The following MCMDC2 variants were observed in gnomAD, a reference collection of about 807,000 sequenced individuals.
MCMDC2 encodes the protein minichromosome maintenance domain containing 2, also known as minichromosome maintenance domain-containing protein 2.
A neutral mutation model predicts 75.8 loss-of-function variants in MCMDC2; 54 were observed. The observed-to-expected ratio is 0.71, with a 90% CI of 0.57 to 0.89. MCMDC2 has a LOEUF of 0.89. MCMDC2 is among the 40% of genes least tolerant of loss of function. The pLI, the probability that MCMDC2 is intolerant of heterozygous loss-of-function variation, is 0.00. For missense variants in MCMDC2, 656 were observed against 780.4 expected, an observed-to-expected ratio of 0.84 and a Z score of 1.90; for synonymous variants, 249 against 274.6, an observed-to-expected ratio of 0.91 and a Z score of 0.92.
chr8:66,922,980 T>A (rs3779995), downstream of MCMDC2, among the ~76,000 whole-genome samples: 19,470 of 152,220 alleles, frequency 0.13, 2,359 homozygotes, highest in African/African-American at 0.31. Flanking sequence ...GTACCTAGTA[T>A]TTCCACAAAT....
intron 5 of MCMDC2, 64 bp downstream of exon 5, chr8:66,877,608 TA>T: frequency 1.6e-6 from 2 of 1,226,984 alleles, no homozygotes. Context: ...CTCACACCTG[TA>T]ATCCCTGCAC....
intron 12 of MCMDC2, among the ~76,000 whole-genome samples, chr8:66,898,620 G>A (rs1176528063): frequency 1.0e-4 from 13 of 130,382 alleles, no homozygotes; most frequent in South Asian, 2.4e-4. Context: ...GCAAAACTCC[G>A]TCTCAAAAAA....
At chr8:66,883,252 A>G (rs1811678336) in intron 8 of MCMDC2, among the ~76,000 whole-genome samples, 1 of 152,218 alleles carries the variant, frequency 6.6e-6, no homozygotes, top group African/African-American at 2.4e-5. Flanking sequence ...CAACATTCAA[A>G]TATTTCCCAT....
At chr8:66,890,207 AG>A (rs1180866861) in intron 9 of MCMDC2, among the ~76,000 whole-genome samples, 2 of 152,116 alleles carry the variant, frequency 1.3e-5, no homozygotes, top group Non-Finnish European at 1.5e-5. Context: ...CTGGGGTTAC[AG>A]GCATGTAATT....
At position 66,918,899 on chromosome 8, in the gene MCMDC2, T is replaced by G. The variant is rs974992831; in HGVS notation, c.1880-104T>G. 7 of 1,059,198 alleles carry G rather than the reference T, an allele frequency of 6.6e-6. No individual in the cohort carries two copies. In the African/African-American group the frequency reaches 1.2e-4, roughly 17 times the overall value. The allele number at this position is 1,059,198 out of a possible 1,614,324, so 65.6% of individuals were successfully genotyped here. On this transcript the variant is annotated intron_variant, in intron 14 of 14. Transcript: ENST00000422365. ...TCACAGAACCACATGGGCTCAGACT[T>G]AATTTTTAAGATTCCATTAAAATAT...
Position 66,903,600 on chromosome 8 carries a change from C to G in MCMDC2, c.1770-1626C>G, listed in dbSNP as rs1198839305. ...AGTAGTTAATTTTAATATGATAACT[C>G]TACTTTTTCGCATTGTAGAAATAAA... On this transcript the variant is annotated intron_variant, in intron 13 of 14. Coordinates refer to ENST00000422365, the MANE Select transcript of MCMDC2 (RefSeq NM_173518.5). 4.6e-5 allele frequency among the ~76,000 whole-genome samples: 7 copies of G among 152,244 alleles called. No homozygotes were observed. The East Asian group carries it at 1.2e-3, about 25-fold the overall frequency.
intron 10 of MCMDC2, among the ~76,000 whole-genome samples, chr8:66,893,489 A>T (rs141521569): frequency 1.3e-5 from 2 of 152,244 alleles, no homozygotes; most frequent in African/African-American, 4.8e-5. Flanking sequence ...CCTTACAATC[A>T]TGGTAGAGTG....
In MCMDC2 at chr8:66,883,805, C is replaced by T. The variant is rs769828884; in HGVS notation, c.884C>T (p.Ser295Phe). The stretch of plus-strand genomic sequence containing the variant: ...TTCAGGTGTCTCCTCTCCTTAACTT[C>T]CAGCTCATGCTGGAAGTTTACAGCA... ...DNFRCLLSLT[S>F]SSCWKFTAIL... The change falls in exon 9 of 15, where the codon TCC (serine) becomes TTC (phenylalanine). Residue 295 changes from serine (S) to phenylalanine (F), a missense_variant. Ser to Phe is a radical substitution (Grantham distance 155). Transcript: ENST00000422365. 2 of 1,613,728 alleles carry T rather than the reference C, an allele frequency of 1.2e-6. No homozygotes were observed. The highest frequency in any genetic ancestry group is 8.5e-7 in the Non-Finnish European group (1 of 1,179,928).
rs181710476 is a variant in MCMDC2 at position 66,899,892 on chromosome 8, C to T, written c.1627-1314C>T. On this transcript the variant is annotated intron_variant, in intron 12 of 14. Transcript: ENST00000422365. ...ATCCCAGCACTCTGGGAGGCTGAGG[C>T]GGGCAGATCACCTGAGGTCAAGAGT... is the stretch of plus-strand genomic sequence containing the variant. 7.8e-3 allele frequency among the ~76,000 whole-genome samples: 1,177 copies of T among 150,308 alleles called. 11 individuals carry two copies. Among genetic ancestry groups the T allele is most frequent in the African/African-American group, 0.027 (1,122 of 40,980 alleles).
At chr8:66,916,928 G>A (rs1813345542) in intron 14 of MCMDC2, among the ~76,000 whole-genome samples, 1 of 152,172 alleles carries the variant, frequency 6.6e-6, no homozygotes, top group Non-Finnish European at 1.5e-5. Flanking sequence ...GAAAATCACT[G>A]AATGTCAGGT....
intron 12 of MCMDC2, among the ~76,000 whole-genome samples, chr8:66,900,362 C>A (rs1248624397): frequency 1.3e-5 from 2 of 152,062 alleles, no homozygotes; most frequent in African/African-American, 4.8e-5. Flanking sequence ...CGCTTGAACC[C>A]CAGAGGCTGA....
chr8:66,905,616 A>G (rs921297033), intron 14 of MCMDC2, among the ~76,000 whole-genome samples: 29 of 152,178 alleles, frequency 1.9e-4, no homozygotes, highest in Non-Finnish European at 7.3e-5. Flanking sequence ...ACTACAACAC[A>G]TAAAATGATT....
intron 7 of MCMDC2, 88 bp from the exon 8 acceptor site, chr8:66,880,761 T>C (rs1811519659): frequency 1.6e-6 from 2 of 1,252,994 alleles, no homozygotes; most frequent in Admixed American, 7.0e-5. Flanking sequence ...ACTGAATTGT[T>C]TTACTAGTTC....
At chr8:66,879,581 G>A (rs1811466012) in intron 7 of MCMDC2, among the ~76,000 whole-genome samples, 1 of 151,900 alleles carries the variant, frequency 6.6e-6, no homozygotes, top group Non-Finnish European at 1.5e-5. Context: ...TGACAGAATG[G>A]GACTCTGTCT....
Position 66,900,298 on chromosome 8 carries a change from C to T in MCMDC2, c.1627-908C>T, listed in dbSNP as rs189054937. ...CCAAAAATACAAAAAATTAGCTAGG[C>T]GTGGTGGTACGCGCCTATAATCCCA... On this transcript the variant is annotated intron_variant, in intron 12 of 14. Coordinates refer to ENST00000422365, the MANE Select transcript of MCMDC2 (RefSeq NM_173518.5). 5.6e-4 allele frequency among the ~76,000 whole-genome samples: 85 copies of T among 152,032 alleles called. 1 individual carries two copies. Among genetic ancestry groups the T allele is most frequent in the African/African-American group, 1.5e-3 (62 of 41,464 alleles).
At chr8:66,903,718 T>C (rs1442128581) in intron 13 of MCMDC2, among the ~76,000 whole-genome samples, 1 of 152,190 alleles carries the variant, frequency 6.6e-6, no homozygotes, top group African/African-American at 2.4e-5. Context: ...TACAGACAGG[T>C]ACCTAATCAC....
chr8:66,878,306 G>A (rs943325334), intron 5 of MCMDC2, among the ~76,000 whole-genome samples: 2 of 152,164 alleles, frequency 1.3e-5, no homozygotes, highest in Admixed American at 6.5e-5. Context: ...GTGTGCTTAA[G>A]CATCCATATT....
chr8:66,883,010 A>G (rs1198336751), intron 8 of MCMDC2, among the ~76,000 whole-genome samples: 3 of 152,226 alleles, frequency 2.0e-5, no homozygotes, highest in African/African-American at 7.2e-5. Flanking sequence ...CTCTTAGTCC[A>G]TGGGCATGGA....
chr8:66,919,003 G>T lies in MCMDC2; in HGVS notation c.1880G>T (p.Gly627Val). The change falls in exon 15 of 15, where the codon GGG becomes GTG. Residue 627 changes from glycine (G) to valine (V), a missense_variant and splice_region_variant. Transcript: ENST00000422365. ...LFETSLTLKY[G>V]ATVFCVAPNA... ...ACACTCTATTATCTTCTTCATTTAG[G>T]GGCCACTGTATTTTGTGTTGCTCCG... 1 of 1,499,892 alleles carries T rather than the reference G, an allele frequency of 6.7e-7. No individual in the cohort carries two copies. The highest frequency in any genetic ancestry group is 8.9e-7 in the Non-Finnish European group (1 of 1,121,548). 92.9% of individuals were successfully genotyped at this position (1,499,892 alleles called of 1,614,324 possible).
Sources: allele counts gnomAD v4.1 joint callset (sites outside exome capture counted in the v4.1 genomes callset), GRCh38; gene constraint gnomAD v4.1.1; transcripts MANE v1.5; gene names NCBI Gene and HGNC (gene_info 2026-07-23, HGNC 2026-07-21).